COG5: variants seen among roughly 807,000 people sequenced by gnomAD.
COG5 encodes the protein conserved oligomeric Golgi complex subunit 5.
Under a neutral mutation model 110.4 loss-of-function variants are expected in COG5, and 86 were observed. That is an observed-to-expected ratio of 0.78 (90% CI 0.65 to 0.93). The LOEUF (loss-of-function observed/expected upper bound fraction) is 0.93, where lower values mean the gene tolerates loss of function less well. COG5 is among the 40% of genes least tolerant of loss of function. The pLI is 0.00. For synonymous variants in COG5, 360 were observed against 334.6 expected, an observed-to-expected ratio of 1.08 and a Z score of -0.83; for missense variants, 1,077 against 987.0, an observed-to-expected ratio of 1.09 and a Z score of -1.22.
At chr7:107,312,311 T>C (rs1464753543) in intron 11 of COG5, among the ~76,000 whole-genome samples, 1 of 152,244 alleles carries the variant, frequency 6.6e-6, no homozygotes, top group African/African-American at 2.4e-5. Context: ...TACTGAGCAT[T>C]GTGTTCTCTG....
chr7:107,410,981 G>A (rs1166471587), intron 7 of COG5, among the ~76,000 whole-genome samples: 2 of 152,200 alleles, frequency 1.3e-5, no homozygotes, highest in Non-Finnish European at 1.5e-5. Flanking sequence ...TGAGCCCAAC[G>A]TATGAGAATA....
intron 6 of COG5, among the ~76,000 whole-genome samples, chr7:107,481,956 T>C (rs1797380150): frequency 6.6e-6 from 1 of 152,114 alleles, no homozygotes; most frequent in African/African-American, 2.4e-5. Flanking sequence ...TTAGTGGAAT[T>C]GAAAACAAAT....
chr7:107,529,371 A>G (rs1801011012), intron 5 of COG5, among the ~76,000 whole-genome samples: 1 of 152,234 alleles, frequency 6.6e-6, no homozygotes, highest in Non-Finnish European at 1.5e-5. Flanking sequence ...AGTGCCAGGG[A>G]GAGGACATTT....
intron 7 of COG5, among the ~76,000 whole-genome samples, chr7:107,394,888 T>C (rs1324476487): frequency 6.6e-6 from 1 of 152,200 alleles, no homozygotes; most frequent in Non-Finnish European, 1.5e-5. Context: ...TAATAAAATA[T>C]TCTTTAGAAG....
intron 21 of COG5, among the ~76,000 whole-genome samples, chr7:107,207,608 CTT>C (rs751211770): frequency 3.3e-5 from 5 of 152,332 alleles, no homozygotes; most frequent in East Asian, 3.9e-4. Flanking sequence ...AAGACTCTAT[CTT>C]TATTGAAAAC....
intron 14 of COG5, among the ~76,000 whole-genome samples, chr7:107,279,856 T>G (rs1055310587): frequency 6.6e-6 from 1 of 152,190 alleles, no homozygotes; most frequent in Non-Finnish European, 1.5e-5. Flanking sequence ...TTACAGCCAC[T>G]GACAATTTGA....
chr7:107,392,451 G>T (rs892906831), intron 7 of COG5, among the ~76,000 whole-genome samples: 1 of 151,954 alleles, frequency 6.6e-6, no homozygotes, highest in African/African-American at 2.4e-5. Flanking sequence ...GGCAGAGTAG[G>T]GCTTCAAGTC....
intron 6 of COG5, among the ~76,000 whole-genome samples, chr7:107,469,263 A>G (rs79013989): frequency 0.012 from 1,822 of 152,096 alleles, 30 homozygotes; most frequent in African/African-American, 0.041. Flanking sequence ...CAGGTCAAAA[A>G]TAGAATAAGC....
chr7:107,312,577 G>T (rs1056729204), intron 11 of COG5, among the ~76,000 whole-genome samples: 1 of 152,136 alleles, frequency 6.6e-6, no homozygotes, highest in Non-Finnish European at 1.5e-5. Flanking sequence ...TGATGGGGAG[G>T]ATATAGACAC....
intron 10 of COG5, among the ~76,000 whole-genome samples, chr7:107,328,768 A>G (rs1057336207): frequency 1.3e-5 from 2 of 152,244 alleles, no homozygotes; most frequent in African/African-American, 2.4e-5. Context: ...ATTTTTAAGG[A>G]AACTTTTTGG....
At chr7:107,425,953 T>C (rs1793617707) in intron 6 of COG5, among the ~76,000 whole-genome samples, 1 of 152,080 alleles carries the variant, frequency 6.6e-6, no homozygotes, top group Non-Finnish European at 1.5e-5. Context: ...TACCCACACA[T>C]GGAGAATGCT....
chr7:107,547,792 C>CA (rs71737445), intron 5 of COG5, among the ~76,000 whole-genome samples: 102 of 141,328 alleles, frequency 7.2e-4, no homozygotes, highest in Non-Finnish European at 9.1e-4. Context: ...ACAATAGCTA[C>CA]AAAAAAAAAA....
intron 11 of COG5, among the ~76,000 whole-genome samples, chr7:107,319,136 A>G (rs1037565659): frequency 2.0e-5 from 3 of 151,562 alleles, no homozygotes; most frequent in Non-Finnish European, 4.4e-5. Context: ...TCTGCATTTA[A>G]TTTCAGATAC....
At chr7:107,553,536 C>T (rs1209808930) in intron 3 of COG5, among the ~76,000 whole-genome samples, 1 of 152,012 alleles carries the variant, frequency 6.6e-6, no homozygotes, top group Non-Finnish European at 1.5e-5. Context: ...TCGAGAAAAA[C>T]CCCTTACCTT....
At chr7:107,332,156 C>T (rs2129031435) in intron 10 of COG5, among the ~76,000 whole-genome samples, 1 of 151,650 alleles carries the variant, frequency 6.6e-6, no homozygotes, top group East Asian at 1.9e-4. Context: ...CCACTGACTG[C>T]TTTTCAGCAA....
chr7:107,307,072 A>G (rs978572322), intron 11 of COG5, among the ~76,000 whole-genome samples: 2 of 152,194 alleles, frequency 1.3e-5, no homozygotes, highest in Non-Finnish European at 2.9e-5. Flanking sequence ...TTAACTCTAT[A>G]AACTATTCAT....
chr7:107,256,721 A>C lies in COG5; in HGVS notation c.1749+11T>G. The C allele has an allele frequency of 1.3e-6, 2 of 1,596,024 alleles. No homozygotes were observed. Among genetic ancestry groups the C allele is most frequent in the South Asian group, 1.1e-5 (1 of 90,212 alleles). ...CTTTGATCTATAGAGTCAAAGATTA[A>C]ATTCTTTTACCTTTAGAGCTGAAAT... On this transcript the variant is annotated intron_variant, in intron 16 of 21. Coordinates refer to ENST00000297135, the MANE Select transcript of COG5 (RefSeq NM_006348.5).
At chr7:107,468,926 C>T (rs905744970) in intron 6 of COG5, among the ~76,000 whole-genome samples, 4 of 151,476 alleles carry the variant, frequency 2.6e-5, no homozygotes, top group Non-Finnish European at 5.9e-5. Context: ...TTATCCTCAT[C>T]ATTAAAAACA....
rs544791739 is a variant in COG5, at chr7:107,473,803, A to C, written c.538+53434T>G. Among the ~76,000 whole-genome samples, 39 of 152,110 alleles carry C rather than the reference A, an allele frequency of 2.6e-4. 1 individual carries two copies. The South Asian group carries it at 7.2e-3, about 28-fold the overall frequency. On this transcript the variant is annotated intron_variant, in intron 6 of 21. Coordinates refer to ENST00000297135, the MANE Select transcript of COG5 (RefSeq NM_006348.5). ...AAGCCCTTTAGCATATTAACTTTGCACTACAGAGGAACAATTTCCATAGTT... is the reference window on the plus strand; with the variant it reads ...AAGCCCTTTAGCATATTAACTTTGCCCTACAGAGGAACAATTTCCATAGTT...
Sources: allele counts gnomAD v4.1 joint callset (sites outside exome capture counted in the v4.1 genomes callset), GRCh38; gene constraint gnomAD v4.1.1; transcripts MANE v1.5; gene names NCBI Gene and HGNC (gene_info 2026-07-23, HGNC 2026-07-21).